CAMK1D: variants seen among roughly 807,000 people sequenced by gnomAD.
CAMK1D encodes the protein calcium/calmodulin dependent protein kinase ID.
CAMK1D carries 9 observed loss-of-function variants against 47.7 expected under a neutral mutation model. That is an observed-to-expected ratio of 0.19 (90% CI 0.11 to 0.33). The LOEUF is 0.33. Among genes scored for constraint, CAMK1D ranks in the 10% least tolerant of loss-of-function variants. The probability of loss-of-function intolerance (pLI) is 1.00; values close to 1 mark genes in which losing one functional copy is unlikely to be tolerated. For missense variants in CAMK1D, 291 were observed against 488.7 expected (o/e 0.60, Z 3.81); for synonymous variants, 184 against 184.9 (o/e 0.99, Z 0.04).
chr10:12,485,123 G>C (rs1461038440), intron 1 of CAMK1D, among the ~76,000 whole-genome samples: 1 of 152,242 alleles, frequency 6.6e-6, no homozygotes, highest in Non-Finnish European at 1.5e-5. Flanking sequence ...TTCTAAGCAA[G>C]AATGCACACG....
intron 5 of CAMK1D, among the ~76,000 whole-genome samples, chr10:12,785,922 G>A (rs372634524): frequency 2.7e-4 from 41 of 152,338 alleles, no homozygotes; most frequent in African/African-American, 9.4e-4. Context: ...CAGGAGGCGA[G>A]CAGGAGAGAG....
intron 2 of CAMK1D, among the ~76,000 whole-genome samples, chr10:12,571,688 T>G (rs1201841261): frequency 6.6e-6 from 1 of 152,046 alleles, no homozygotes; most frequent in Non-Finnish European, 1.5e-5. Flanking sequence ...TGTCCTCATA[T>G]CAGGTAATGG....
At chr10:12,782,232 G>A (rs1004347674) in intron 5 of CAMK1D, among the ~76,000 whole-genome samples, 8 of 152,220 alleles carry the variant, frequency 5.3e-5, no homozygotes, top group African/African-American at 1.9e-4. Context: ...AAACCTGGGT[G>A]AAGCAGCAGC....
At chr10:12,801,329 C>CTA (rs1838436802) in intron 6 of CAMK1D, among the ~76,000 whole-genome samples, 4 of 116,620 alleles carry the variant, frequency 3.4e-5, no homozygotes, top group Admixed American at 3.4e-4. Flanking sequence ...ATCTATCTAT[C>CTA]TATCTATCTA....
In CAMK1D at chr10:12,541,842, TCTTCCTTCCTTCCTTCCTTCCTTCCTTC is replaced by T. The variant is rs150179810; in HGVS notation, c.93-11363_93-11336del. On this transcript the variant is annotated intron_variant, in intron 1 of 10. Transcript: ENST00000619168. The stretch of plus-strand genomic sequence containing the variant: ...TGACTTCACTTTTTGCTGTGTTTTA[TCTTCCTTCCTTCCTTCCTTCCTTCCTTC>T]CTTCCTTCCTTCCTTCCTTTTTTTT... Among the ~76,000 whole-genome samples the T allele has an allele frequency of 1.9e-4, 22 of 116,628 alleles. 1 individual carries two copies. Among genetic ancestry groups the T allele is most frequent in the African/African-American group, 6.4e-4 (20 of 31,440 alleles). 76.5% of individuals were successfully genotyped at this position (116,628 alleles called of 152,430 possible).
chr10:12,611,339 T>C (rs1219057213), intron 2 of CAMK1D, among the ~76,000 whole-genome samples: 1 of 152,128 alleles, frequency 6.6e-6, no homozygotes, highest in Non-Finnish European at 1.5e-5. Context: ...AGCCTCGAAG[T>C]GCCCCCTTCC....
intron 2 of CAMK1D, among the ~76,000 whole-genome samples, chr10:12,636,273 C>T (rs1392986517): frequency 6.6e-6 from 1 of 152,198 alleles, no homozygotes; most frequent in Admixed American, 6.5e-5. Flanking sequence ...GTATTTTACA[C>T]ATAATCTGAT....
rs1176294205 is a variant in CAMK1D, at chr10:12,642,576, A to G, written c.225-24160A>G. Among the ~76,000 whole-genome samples, 5 of 152,234 alleles carry G rather than the reference A, an allele frequency of 3.3e-5. No homozygotes were observed. In the East Asian group the frequency reaches 7.7e-4, roughly 23 times the overall value. ...GAAAGAAAATAGCTTGGATCCACCC[A>G]TGGAAGACCTGCTTATGAAGTTTGC... On this transcript the variant is annotated intron_variant, in intron 2 of 10. Coordinates refer to ENST00000619168, the MANE Select transcript of CAMK1D (RefSeq NM_153498.4).
intron 1 of CAMK1D, among the ~76,000 whole-genome samples, chr10:12,426,743 C>T (rs1266255745): frequency 1.3e-5 from 2 of 151,376 alleles, no homozygotes; most frequent in Non-Finnish European, 2.9e-5. Flanking sequence ...GAGACAGAGT[C>T]GTGCTCTGTC....
chr10:12,652,544 C>T (rs1368672428), intron 2 of CAMK1D, among the ~76,000 whole-genome samples: 6 of 151,582 alleles, frequency 4.0e-5, no homozygotes, highest in Non-Finnish European at 8.8e-5. Flanking sequence ...GCAGAGAGTG[C>T]ACCACTGCAC....
At chr10:12,793,119 G>C (rs561620699) in intron 6 of CAMK1D, among the ~76,000 whole-genome samples, 1 of 152,210 alleles carries the variant, frequency 6.6e-6, no homozygotes, top group East Asian at 1.9e-4. Context: ...CAGAGGTCCT[G>C]CCTCATCCAG....
chr10:12,666,867 A>G (rs1840448273), intron 3 of CAMK1D, 57 bp downstream of exon 3: 1 of 1,370,184 alleles, frequency 7.3e-7, no homozygotes, highest in East Asian at 2.3e-5. Flanking sequence ...CCAATGTCTA[A>G]AGGGATCAGG....
chr10:12,401,094 A>AT (rs1839173324), intron 1 of CAMK1D, among the ~76,000 whole-genome samples: 1 of 82,132 alleles, frequency 1.2e-5, no homozygotes, highest in Non-Finnish European at 2.1e-5. Context: ...TATTATATAT[A>AT]TTATATATAT....
intron 6 of CAMK1D, among the ~76,000 whole-genome samples, chr10:12,793,268 G>C (rs1333842778): frequency 2.0e-5 from 3 of 152,128 alleles, no homozygotes; most frequent in African/African-American, 7.2e-5. Context: ...CTGGTTATTT[G>C]TTCCTTTATG....
intron 1 of CAMK1D, among the ~76,000 whole-genome samples, chr10:12,515,025 T>TA (rs1169071460): frequency 1.5e-4 from 23 of 151,290 alleles, no homozygotes; most frequent in African/African-American, 2.9e-4. Context: ...TAATTTTTTT[T>TA]TTTTATTTTT....
intron 1 of CAMK1D, among the ~76,000 whole-genome samples, chr10:12,533,486 G>A (rs1436871432): frequency 6.6e-6 from 1 of 152,122 alleles, no homozygotes; most frequent in East Asian, 1.9e-4. Flanking sequence ...ATAAACTTCC[G>A]ATCTGTTTGC....
intron 1 of CAMK1D, among the ~76,000 whole-genome samples, chr10:12,450,627 GAGA>G (rs765034003): frequency 2.2e-4 from 33 of 152,340 alleles, no homozygotes; most frequent in Middle Eastern, 3.4e-3. Flanking sequence ...ACTGGCCAGA[GAGA>G]AGGAGGCTGT....
chr10:12,792,960 GCA>G (rs57459634), intron 6 of CAMK1D, among the ~76,000 whole-genome samples: 2,287 of 68,018 alleles, frequency 0.034, 22 homozygotes, highest in Middle Eastern at 0.06. Context: ...ATGTGTGCGC[GCA>G]CACACACACA....
At position 12,583,588 on chromosome 10, in the gene CAMK1D, T is replaced by TTTG. The variant is rs565248707; in HGVS notation, c.224+30244_224+30246dup. On this transcript the variant is annotated intron_variant, in intron 2 of 10. Coordinates refer to ENST00000619168, the MANE Select transcript of CAMK1D (RefSeq NM_153498.4). The stretch of plus-strand genomic sequence containing the variant: ...GACGTTTCTTTGGTTTTGTGTGTGT[T>TTTG]TTGTTGTTGTTGTTTTATTTTTTTT... 4.0e-3 allele frequency among the ~76,000 whole-genome samples: 604 copies of TTTG among 150,398 alleles called. 4 individuals are homozygous for TTTG. In the Middle Eastern group the frequency reaches 0.041, roughly 10 times the overall value.
Sources: gnomAD v4.1 joint callset for allele counts (sites outside exome capture counted in the v4.1 genomes callset) on GRCh38, gnomAD v4.1.1 for gene constraint, MANE v1.5 for transcripts, NCBI Gene and HGNC (gene_info 2026-07-23, HGNC 2026-07-21) for gene names.